Variants in FRAS1 observed in about 807,000 individuals in gnomAD.
FRAS1 encodes Fraser extracellular matrix complex subunit 1, also known as extracellular matrix organizing protein FRAS1.
In FRAS1, 290 loss-of-function variants were observed where a neutral mutation model predicts 435.2. The ratio of observed to expected loss-of-function variants is 0.67; its 90% CI spans 0.61 to 0.73. The LOEUF (loss-of-function observed/expected upper bound fraction) is 0.73, where lower values mean the gene tolerates loss of function less well. Among genes scored for constraint, FRAS1 ranks in the 30% least tolerant of loss-of-function variants. FRAS1 has a pLI of 0.00. For missense variants in FRAS1, 4,860 were observed against 5,001.5 expected (o/e 0.97, Z 0.85); for synonymous variants, 1,800 against 1,851.0 (o/e 0.97, Z 0.71).
chr4:78,159,339 A>G (rs189451798), intron 2 of FRAS1, among the ~76,000 whole-genome samples: 54 of 152,304 alleles, frequency 3.5e-4, no homozygotes, highest in Admixed American at 3.5e-3. Flanking sequence ...GTGTGGATAC[A>G]AGAGTGAGTA....
In FRAS1 at chr4:78,398,854, G is replaced by A. The variant is rs548658762; in HGVS notation, c.3976-1880G>A. Among the ~76,000 whole-genome samples the A allele has an allele frequency of 4.2e-3, 642 of 152,234 alleles. 8 individuals are homozygous for A. Among genetic ancestry groups the A allele is most frequent in the Non-Finnish European group, 4.8e-3 (326 of 68,010 alleles). ...AAAAATTAGCCAGGCATGGTGGTAG[G>A]CACCTATAATCCCAGCTACTCAGGA... On this transcript the variant is annotated intron_variant, in intron 29 of 73. Transcript: ENST00000512123.
intron 22 of FRAS1, among the ~76,000 whole-genome samples, chr4:78,367,990 T>C (rs1731342357): frequency 6.6e-6 from 1 of 152,206 alleles, no homozygotes; most frequent in South Asian, 2.1e-4. Context: ...ATTATAAAGA[T>C]TTGCTGATCA....
intron 2 of FRAS1, among the ~76,000 whole-genome samples, chr4:78,194,090 A>G (rs553818130): frequency 2.6e-4 from 39 of 152,298 alleles, no homozygotes; most frequent in African/African-American, 9.1e-4. Flanking sequence ...AAGAATGTTG[A>G]ATATTGGCCC....
chr4:78,322,369 G>A (rs12641094), intron 18 of FRAS1, among the ~76,000 whole-genome samples: 45,220 of 152,102 alleles, frequency 0.3, 7,747 homozygotes, highest in East Asian at 0.37. Context: ...TTAGATGGGT[G>A]TTGTGTGTAT....
At chr4:78,174,072 C>G (rs1032407832) in intron 2 of FRAS1, among the ~76,000 whole-genome samples, 5 of 152,230 alleles carry the variant, frequency 3.3e-5, no homozygotes, top group African/African-American at 1.2e-4. Flanking sequence ...GAACACACAG[C>G]TGAATCCGGG....
At chr4:78,230,885 G>T (rs1340928592) in intron 2 of FRAS1, among the ~76,000 whole-genome samples, 1 of 151,904 alleles carries the variant, frequency 6.6e-6, no homozygotes, top group Non-Finnish European at 1.5e-5. Context: ...TGTAGTCCAG[G>T]GTCTATCTAC....
At chr4:78,345,476 T>G (rs1302868113) in intron 20 of FRAS1, among the ~76,000 whole-genome samples, 1 of 152,184 alleles carries the variant, frequency 6.6e-6, no homozygotes. Flanking sequence ...GGTTCTTATC[T>G]CCTCTTTTTC....
Position 78,511,413 on chromosome 4 carries a change from C to G in FRAS1, c.9920C>G (p.Pro3307Arg). 1 of 1,613,906 alleles carries G rather than the reference C, an allele frequency of 6.2e-7. No individual in the cohort carries two copies. The highest frequency in any genetic ancestry group is 1.3e-5 in the African/African-American group (1 of 75,050). ...IGTDSAICHT[P>R]VVAGTSRGFQ... ...ACAGACAGTGCTATCTGCCACACAC[C>G]AGTGGTGGCTGGGACATCCAGAGGC... is the stretch of plus-strand genomic sequence containing the variant. The change falls in exon 64 of 74, where the codon CCA (proline) becomes CGA (arginine). Residue 3307 changes from proline to arginine, a missense_variant. Pro to Arg is a moderately radical substitution (Grantham distance 103). Coordinates refer to ENST00000512123, the MANE Select transcript of FRAS1 (RefSeq NM_025074.7).
At chr4:78,065,740 T>C (rs1740001685) in intron 1 of FRAS1, among the ~76,000 whole-genome samples, 1 of 152,150 alleles carries the variant, frequency 6.6e-6, no homozygotes, top group South Asian at 2.1e-4. Context: ...TATAAACACA[T>C]TTATCTTAAA....
chr4:78,323,181 CTA>C (rs753427335), intron 18 of FRAS1, among the ~76,000 whole-genome samples: 4 of 152,312 alleles, frequency 2.6e-5, no homozygotes, highest in Non-Finnish European at 4.4e-5. Flanking sequence ...CACAAGGCCT[CTA>C]TGTTTCCAAA....
intron 51 of FRAS1, among the ~76,000 whole-genome samples, chr4:78,470,971 C>G (rs183530239): frequency 6.6e-6 from 1 of 152,270 alleles, no homozygotes; most frequent in South Asian, 2.1e-4. Flanking sequence ...GCATCTCTAG[C>G]TGGGCAGGCA....
At chr4:78,186,750 C>A (rs1464041194) in intron 2 of FRAS1, among the ~76,000 whole-genome samples, 1 of 152,084 alleles carries the variant, frequency 6.6e-6, no homozygotes, top group Non-Finnish European at 1.5e-5. Context: ...ACAAGAAGAT[C>A]GTAATGTGAT....
At chr4:78,397,515 G>T (rs757350204) in intron 29 of FRAS1, among the ~76,000 whole-genome samples, 10 of 152,164 alleles carry the variant, frequency 6.6e-5, no homozygotes, top group Non-Finnish European at 1.2e-4. Context: ...AGTGTGGGGT[G>T]CTGGCTATGG....
At position 78,127,634 on chromosome 4, in the gene FRAS1, TACAAACAA is replaced by T. The variant is rs143852196; in HGVS notation, c.108+61639_108+61646del. Reference sequence around the variant, plus strand: ...CAACTGGGTGAATAGTGATACCATTTACAAACAAACAAACAAACAAACAAACAACAACA... The same window carrying T: ...CAACTGGGTGAATAGTGATACCATTTACAAACAAACAAACAAACAACAACA... On this transcript the variant is annotated intron_variant, in intron 2 of 73. Coordinates refer to ENST00000512123, the MANE Select transcript of FRAS1 (RefSeq NM_025074.7). 7.3e-4 allele frequency among the ~76,000 whole-genome samples: 111 copies of T among 151,542 alleles called. 1 individual carries two copies. Among genetic ancestry groups the T allele is most frequent in the South Asian group, 6.9e-3 (33 of 4,792 alleles).
intron 2 of FRAS1, among the ~76,000 whole-genome samples, chr4:78,152,607 C>CTTTTTTTTT (rs71214398): frequency 2.2e-4 from 16 of 72,424 alleles, no homozygotes; most frequent in South Asian, 7.7e-4. Context: ...ATGTAGGCTG[C>CTTTTTTTTT]TTTTTTTTTT....
chr4:78,447,301 A>C (rs915427028), intron 43 of FRAS1, among the ~76,000 whole-genome samples: 6 of 148,108 alleles, frequency 4.1e-5, no homozygotes, highest in African/African-American at 7.5e-5. Context: ...AAAAAAAAAA[A>C]AAACACTTTT....
intron 14 of FRAS1, among the ~76,000 whole-genome samples, chr4:78,290,950 G>A (rs6831343): frequency 0.014 from 2,077 of 150,914 alleles, 52 homozygotes; most frequent in African/African-American, 0.048. Flanking sequence ...ATTTTTAATA[G>A]AGACAGGGTT....
At chr4:78,416,665 TG>T (rs1461260671) in intron 32 of FRAS1, among the ~76,000 whole-genome samples, 1 of 152,120 alleles carries the variant, frequency 6.6e-6, no homozygotes, top group African/African-American at 2.4e-5. Context: ...ATGTGATAAG[TG>T]TGTGGGCTGG....
rs773084523 is a variant in FRAS1 at position 78,464,178 on chromosome 4, G to C, written c.6888+33G>C. On this transcript the variant is annotated intron_variant, in intron 48 of 73. Transcript: ENST00000512123. ...AGGCACTGAACTCCATCCTTGAAAA[G>C]TATTGATTCCTCGCCATCTTCTTTG... The C allele has an allele frequency of 1.9e-6, 3 of 1,587,108 alleles. No homozygotes were observed. In the African/African-American group the frequency reaches 4.1e-5, roughly 22 times the overall value.
Sources: gnomAD v4.1 joint callset for allele counts (sites outside exome capture counted in the v4.1 genomes callset) on GRCh38, gnomAD v4.1.1 for gene constraint, MANE v1.5 for transcripts, NCBI Gene and HGNC (gene_info 2026-07-23, HGNC 2026-07-21) for gene names.